Variants in ACER2 observed in about 807,000 individuals in gnomAD.
ACER2 encodes alkCDase 2.
ACER2 carries 26 observed loss-of-function variants against 34.7 expected under a neutral mutation model. The observed-to-expected ratio is 0.75, with a 90% CI of 0.55 to 1.04. The LOEUF (loss-of-function observed/expected upper bound fraction) is 1.04. Among genes scored for constraint, ACER2 ranks in the 50% least tolerant of loss-of-function variants. The probability of loss-of-function intolerance (pLI) is 0.00; values close to 1 mark genes in which losing one functional copy is unlikely to be tolerated. For synonymous variants in ACER2, 138 were observed against 132.1 expected (o/e 1.04, Z -0.31); for missense variants, 352 against 340.8 (o/e 1.03, Z -0.26).
intron 3 of ACER2, among the ~76,000 whole-genome samples, chr9:19,428,334 A>C (rs1164103072): frequency 6.6e-6 from 1 of 151,378 alleles, no homozygotes; most frequent in Non-Finnish European, 1.5e-5. Context: ...CATGTGGCTA[A>C]TTTTTGTATT....
At chr9:19,414,170 G>GC (rs917123457) in intron 1 of ACER2, among the ~76,000 whole-genome samples, 157 of 152,312 alleles carry the variant, frequency 1.0e-3, no homozygotes, top group African/African-American at 3.4e-3. Flanking sequence ...GCCTTGGGAA[G>GC]CCCCCTCAGT....
At chr9:19,410,111 T>C (rs907666610) in intron 1 of ACER2, among the ~76,000 whole-genome samples, 16 of 152,344 alleles carry the variant, frequency 1.1e-4, no homozygotes, top group African/African-American at 3.6e-4. Context: ...AACTCCTGGT[T>C]TGGGTCATTG....
rs181979886 is a variant in ACER2 at position 19,411,463 on chromosome 9, C to T, written c.108+2271C>T. Among the ~76,000 whole-genome samples, 323 of 152,218 alleles carry T rather than the reference C, an allele frequency of 2.1e-3. 6 individuals are homozygous for T. Among genetic ancestry groups the T allele is most frequent in the Non-Finnish European group, 4.4e-4 (30 of 68,008 alleles). On this transcript the variant is annotated intron_variant, in intron 1 of 5. Coordinates refer to ENST00000340967, the MANE Select transcript of ACER2 (RefSeq NM_001010887.3). ...GCTGTGGTGCGATCTTGGCTCACTG[C>T]GACCTCCACCTCCAGGTTCAAGCGA...
intron 5 of ACER2, among the ~76,000 whole-genome samples, chr9:19,447,941 C>G (rs1001226079): frequency 6.6e-6 from 1 of 151,016 alleles, no homozygotes; most frequent in Admixed American, 6.6e-5. Flanking sequence ...TATGTACACA[C>G]ACACGCACAC....
intron 3 of ACER2, among the ~76,000 whole-genome samples, chr9:19,432,734 CA>C (rs1485848914): frequency 1.4e-5 from 2 of 147,408 alleles, no homozygotes; most frequent in African/African-American, 4.9e-5. Context: ...ATTCTTTACA[CA>C]TATATATAAA....
chr9:19,447,870 A>G (rs766410789), intron 5 of ACER2, among the ~76,000 whole-genome samples: 1 of 152,100 alleles, frequency 6.6e-6, no homozygotes, highest in African/African-American at 2.4e-5. Flanking sequence ...TGGCTCTCAT[A>G]ATTCTATCCC....
intron 3 of ACER2, among the ~76,000 whole-genome samples, chr9:19,427,209 G>A (rs1254147393): frequency 6.6e-6 from 1 of 152,200 alleles, no homozygotes; most frequent in Non-Finnish European, 1.5e-5. Flanking sequence ...TAAGCAACAT[G>A]GAGAGGGCTC....
At chr9:19,424,303 A>T in intron 2 of ACER2, 1 of 929,452 alleles carries the variant, frequency 1.1e-6, no homozygotes, top group Non-Finnish European at 1.3e-6. Context: ...TTAAAGAAAA[A>T]AATGTAGATG....
chr9:19,433,175 T>C (rs1257932847), intron 3 of ACER2, among the ~76,000 whole-genome samples: 9 of 67,906 alleles, frequency 1.3e-4, no homozygotes, highest in African/African-American at 4.4e-4. Context: ...TTTTTTTTTA[T>C]TGATCATTCT....
At position 19,444,366 on chromosome 9, in the gene ACER2, C is replaced by T. The variant is rs552216729; in HGVS notation, c.504-1915C>T. Among the ~76,000 whole-genome samples, 25 of 152,000 alleles carry T rather than the reference C, an allele frequency of 1.6e-4. No individual in the cohort carries two copies. The East Asian group carries it at 2.5e-3, about 15-fold the overall frequency. On this transcript the variant is annotated intron_variant, in intron 4 of 5. Coordinates refer to ENST00000340967, the MANE Select transcript of ACER2 (RefSeq NM_001010887.3). ...AGCTGGGACTACAGGCGCCCGCCAC[C>T]ACGCCCGACTAATTTTTTTGTATTT...
intron 4 of ACER2, among the ~76,000 whole-genome samples, chr9:19,440,781 C>G (rs1025225414): frequency 6.6e-6 from 1 of 152,142 alleles, no homozygotes; most frequent in South Asian, 2.1e-4. Context: ...CCTAAACTTA[C>G]GTCTCCAACC....
chr9:19,424,796 TGTG>T lies in ACER2; in HGVS notation c.323_325del (p.Trp108del). Reference sequence around the variant, plus strand: ...TGGGTTCTGATGTGTGCTTTGGCCATGTGGTTCCCCAGAAGGTATCTACCAAAG... The same window carrying T: ...TGGGTTCTGATGTGTGCTTTGGCCATGTTCCCCAGAAGGTATCTACCAAAG... On this transcript the variant is annotated inframe_deletion, in exon 3 of 6. Coordinates refer to ENST00000340967, the MANE Select transcript of ACER2 (RefSeq NM_001010887.3). The T allele has an allele frequency of 6.2e-7, 1 of 1,614,198 alleles. No individual in the cohort carries two copies. The highest frequency in any genetic ancestry group is 8.5e-7 in the Non-Finnish European group (1 of 1,180,038).
intron 3 of ACER2, 60 bp downstream of exon 3, chr9:19,424,901 G>T: frequency 2.5e-6 from 4 of 1,587,422 alleles, no homozygotes; most frequent in Non-Finnish European, 2.6e-6. Flanking sequence ...ATATAACAAT[G>T]TATATATGAA....
In ACER2 at chr9:19,446,421, A is replaced by G. The variant is rs1351082862; in HGVS notation, c.641+3A>G. 6.2e-7 allele frequency: 1 copy of G among 1,614,162 alleles called. No homozygotes were observed. Among genetic ancestry groups the G allele is most frequent in the Non-Finnish European group, 8.5e-7 (1 of 1,180,018 alleles). The stretch of plus-strand genomic sequence containing the variant: ...TTCCCCTACCTGCACTGCATGTGGT[A>G]AGCCCCTGCTAATGGGGAGGTGGCC... On this transcript the variant is annotated splice_donor_region_variant and intron_variant, in intron 5 of 5. Coordinates refer to ENST00000340967, the MANE Select transcript of ACER2 (RefSeq NM_001010887.3).
intron 3 of ACER2, among the ~76,000 whole-genome samples, chr9:19,428,775 G>GT (rs1830659936): frequency 7.6e-6 from 1 of 131,446 alleles, no homozygotes; most frequent in Non-Finnish European, 1.6e-5. Flanking sequence ...TGGACAAGTG[G>GT]GTTTTTTTTT....
At chr9:19,434,214 TGGC>T (rs1176400928) in intron 3 of ACER2, among the ~76,000 whole-genome samples, 2 of 146,850 alleles carry the variant, frequency 1.4e-5, no homozygotes, top group Non-Finnish European at 3.0e-5. Context: ...CTAGATGTGA[TGGC>T]GGCCGGGAAG....
At chr9:19,416,138 A>G (rs1218499155) in intron 1 of ACER2, among the ~76,000 whole-genome samples, 1 of 151,948 alleles carries the variant, frequency 6.6e-6, no homozygotes, top group Non-Finnish European at 1.5e-5. Flanking sequence ...ATGGTATAAC[A>G]ATTCCATTTT....
chr9:19,424,434 C>T (rs1363682305), intron 2 of ACER2: 5 of 985,262 alleles, frequency 5.1e-6, no homozygotes, highest in African/African-American at 3.5e-5. Flanking sequence ...CCCAGAAAGG[C>T]TCAGTGGATG....
chr9:19,449,655 A>T (rs1334347385), intron 5 of ACER2, among the ~76,000 whole-genome samples: 1 of 152,092 alleles, frequency 6.6e-6, no homozygotes, highest in Non-Finnish European at 1.5e-5. Context: ...AGGCCGAGGC[A>T]GGTGGATTAC....
Sources: gnomAD v4.1 joint callset for allele counts (sites outside exome capture counted in the v4.1 genomes callset) on GRCh38, gnomAD v4.1.1 for gene constraint, MANE v1.5 for transcripts, NCBI Gene and HGNC (gene_info 2026-07-23, HGNC 2026-07-21) for gene names.